Variants in TANC1 observed in about 807,000 individuals in gnomAD.
TANC1 encodes protein TANC1.
Under a neutral mutation model 149.7 loss-of-function variants are expected in TANC1, and 77 were observed. The observed-to-expected ratio is 0.51, with a 90% CI of 0.43 to 0.62. The LOEUF (loss-of-function observed/expected upper bound fraction) is 0.62, where lower values mean the gene tolerates loss of function less well. Among genes scored for constraint, TANC1 ranks in the 20% least tolerant of loss-of-function variants. The pLI is 0.00. For synonymous variants in TANC1, 854 were observed against 925.0 expected (o/e 0.92, Z 1.39); for missense variants, 1,985 against 2,321.8 (o/e 0.85, Z 2.98).
chr2:159,004,405 TCAC>T (rs2036934675), intron 2 of TANC1: 1 of 1,010,736 alleles, frequency 9.9e-7, no homozygotes, highest in African/African-American at 1.6e-5. Flanking sequence ...ACAGAGAACA[TCAC>T]CTGTTACTAG....
chr2:159,228,529 C>T, intron 25 of TANC1: 1 of 438,430 alleles, frequency 2.3e-6, no homozygotes, highest in Non-Finnish European at 4.1e-6. Context: ...TCTGAGGCTG[C>T]CCCTCCACCG....
In TANC1 at chr2:159,077,470, A is replaced by G. The variant is rs1405339844; in HGVS notation, c.61+11499A>G. 2.6e-5 allele frequency among the ~76,000 whole-genome samples: 4 copies of G among 152,218 alleles called. No homozygotes were observed. In the South Asian group the frequency reaches 6.2e-4, roughly 24 times the overall value. ...TCCCCAAAGGCAATTAATGTTAACA[A>G]TTTCTTAGATGATCATTCAAGATAT... On this transcript the variant is annotated intron_variant, in intron 3 of 26. Transcript: ENST00000263635.
At chr2:159,027,561 C>G (rs1335196646) in intron 2 of TANC1, among the ~76,000 whole-genome samples, 1 of 152,210 alleles carries the variant, frequency 6.6e-6, no homozygotes, top group Non-Finnish European at 1.5e-5. Context: ...TTCCCTAGCT[C>G]TCGTCTTCTG....
intron 13 of TANC1, among the ~76,000 whole-genome samples, chr2:159,177,889 A>T (rs1048944645): frequency 1.3e-5 from 2 of 152,238 alleles, no homozygotes; most frequent in African/African-American, 4.8e-5. Context: ...ACATAGGTAT[A>T]TTTGACTTAG....
At chr2:159,171,288 C>T (rs1474026522) in intron 10 of TANC1, among the ~76,000 whole-genome samples, 5 of 152,164 alleles carry the variant, frequency 3.3e-5, no homozygotes, top group African/African-American at 1.2e-4. Context: ...GCAATAAACC[C>T]ACTCTAAACA....
chr2:159,063,155 GTC>G (rs1314063644), intron 2 of TANC1, among the ~76,000 whole-genome samples: 11 of 152,156 alleles, frequency 7.2e-5, no homozygotes, highest in African/African-American at 2.6e-4. Flanking sequence ...ATTACGAGGT[GTC>G]TCTCAGTGTG....
chr2:159,102,712 CTTTTTTTT>C lies in TANC1; in HGVS notation c.259+4895_259+4902del, dbSNP rs755803794. Among the ~76,000 whole-genome samples the C allele has an allele frequency of 1.1e-3, 30 of 27,108 alleles. 1 individual carries two copies. Among genetic ancestry groups the C allele is most frequent in the South Asian group, 4.5e-3 (4 of 882 alleles). The allele number at this position is 27,108 out of a possible 152,430, so 17.8% of individuals were successfully genotyped here. A position where few individuals can be genotyped will look rare whatever the true frequency, so the allele number is the denominator to read the frequency against. The stretch of plus-strand genomic sequence containing the variant: ...AACATTTCTGATTGTTGGATATTTG[CTTTTTTTT>C]TTTTTTTTTTTTTTTTGAGATGGAG... On this transcript the variant is annotated intron_variant, in intron 4 of 26. Coordinates refer to ENST00000263635, the MANE Select transcript of TANC1 (RefSeq NM_033394.3).
intron 1 of TANC1, among the ~76,000 whole-genome samples, chr2:158,969,726 T>G (rs546085392): frequency 1.3e-5 from 2 of 152,334 alleles, no homozygotes; most frequent in South Asian, 4.1e-4. Flanking sequence ...CTTACTGGAC[T>G]TATTGTGTAA....
intron 20 of TANC1, 122 bp from the exon 21 acceptor site, chr2:159,219,115 CA>C (rs1299341150): frequency 7.5e-7 from 1 of 1,335,288 alleles, no homozygotes. Context: ...ATGGTTCACA[CA>C]ACTTACAGAT....
chr2:159,196,797 A>G lies in TANC1; in HGVS notation c.3165+4A>G. On this transcript the variant is annotated splice_donor_region_variant and intron_variant, in intron 18 of 26. Transcript: ENST00000263635. Reference sequence around the variant, plus strand: ...GGCCAGCATGGGCCACAGCTCGGTGAGTGGGGCAGGGGTTTCCCTCCTGGG... The same window carrying G: ...GGCCAGCATGGGCCACAGCTCGGTGGGTGGGGCAGGGGTTTCCCTCCTGGG... The G allele has an allele frequency of 1.2e-6, 2 of 1,608,572 alleles. No individual in the cohort carries two copies. Among genetic ancestry groups the G allele is most frequent in the Non-Finnish European group, 1.7e-6 (2 of 1,178,732 alleles).
At chr2:159,225,806 C>T (rs1218822332) in intron 24 of TANC1, 27 bp downstream of exon 24, 1 of 1,543,792 alleles carries the variant, frequency 6.5e-7, no homozygotes, top group South Asian at 1.1e-5. Context: ...TTTTCTTTGC[C>T]ATTGAAACTG....
intron 4 of TANC1, among the ~76,000 whole-genome samples, chr2:159,119,942 G>A (rs935720197): frequency 6.6e-6 from 1 of 152,184 alleles, no homozygotes; most frequent in Non-Finnish European, 1.5e-5. Flanking sequence ...TCAACAATGA[G>A]GTCAGAGGAG....
At chr2:159,180,516 G>A (rs2056370008) in intron 14 of TANC1, among the ~76,000 whole-genome samples, 1 of 152,194 alleles carries the variant, frequency 6.6e-6, no homozygotes, top group Non-Finnish European at 1.5e-5. Context: ...TCAGAGCTAG[G>A]GTGGGTGCCT....
chr2:159,217,827 A>T (rs892005880), intron 20 of TANC1, among the ~76,000 whole-genome samples, 197 bp downstream of exon 20: 2 of 152,228 alleles, frequency 1.3e-5, no homozygotes, highest in Non-Finnish European at 2.9e-5. Context: ...GCTGGGGAGC[A>T]AGGCTGCTCA....
At chr2:159,215,316 T>C (rs2059274130) in intron 19 of TANC1, among the ~76,000 whole-genome samples, 1 of 152,188 alleles carries the variant, frequency 6.6e-6, no homozygotes, top group Non-Finnish European at 1.5e-5. Context: ...CCAGCCACAC[T>C]GCACCATGGC....
At chr2:159,207,363 G>A (rs1435728719) in intron 19 of TANC1, among the ~76,000 whole-genome samples, 1 of 152,174 alleles carries the variant, frequency 6.6e-6, no homozygotes, top group East Asian at 1.9e-4. Flanking sequence ...GGATGCTTTA[G>A]ATATTTTTAA....
chr2:159,222,860 T>C (rs969970625), intron 22 of TANC1, among the ~76,000 whole-genome samples: 1 of 152,218 alleles, frequency 6.6e-6, no homozygotes, highest in African/African-American at 2.4e-5. Flanking sequence ...CATAGCACAG[T>C]GCATAAGGGC....
rs375085380 is a variant in TANC1 at position 159,041,409 on chromosome 2, G to A, written c.-15-24487G>A. Among the ~76,000 whole-genome samples, 186 of 152,328 alleles carry A rather than the reference G, an allele frequency of 1.2e-3. 1 individual carries two copies. Among genetic ancestry groups the A allele is most frequent in the African/African-American group, 4.4e-3 (181 of 41,568 alleles). On this transcript the variant is annotated intron_variant, in intron 2 of 26. Coordinates refer to ENST00000263635, the MANE Select transcript of TANC1 (RefSeq NM_033394.3). ...CCAGAGGAGGAGTCTACAGAGGCAG[G>A]CAGGCCTCCTTGAGCTGCGGTGGAC...
intron 2 of TANC1, among the ~76,000 whole-genome samples, chr2:159,034,900 CGTT>C (rs2040058337): frequency 6.6e-6 from 1 of 152,194 alleles, no homozygotes; most frequent in East Asian, 1.9e-4. Flanking sequence ...GTCTTTGTCA[CGTT>C]GTTTAGCCTC....
Sources: allele counts gnomAD v4.1 joint callset (sites outside exome capture counted in the v4.1 genomes callset), GRCh38; gene constraint gnomAD v4.1.1; transcripts MANE v1.5; gene names NCBI Gene and HGNC (gene_info 2026-07-23, HGNC 2026-07-21).